The following DHX9 variants were observed in gnomAD, a reference collection of about 807,000 sequenced individuals.
The protein encoded by DHX9 is ATP-dependent RNA helicase A.
A neutral mutation model predicts 148.7 loss-of-function variants in DHX9; 27 were observed. That is an observed-to-expected ratio of 0.18 (90% CI 0.13 to 0.25). The LOEUF is 0.25. Among genes scored for constraint, DHX9 ranks in the 10% least tolerant of loss-of-function variants. The pLI, the probability that DHX9 is intolerant of heterozygous loss-of-function variation, is 1.00. For synonymous variants in DHX9, 529 were observed against 516.6 expected, an observed-to-expected ratio of 1.02 and a Z score of -0.33; for missense variants, 796 against 1,559.6, an observed-to-expected ratio of 0.51 and a Z score of 8.25.
chr1:182,839,499 C>A, intron 1 of DHX9, 43 bp downstream of exon 1: 1 of 153,522 alleles, frequency 6.5e-6, no homozygotes, highest in South Asian at 1.8e-4. Flanking sequence ...GCGGCGGGGT[C>A]GCGGGCGGGC....
chr1:182,856,457 G>T (rs1347554825), intron 6 of DHX9, 75 bp from the exon 7 acceptor site: 2 of 1,323,568 alleles, frequency 1.5e-6, no homozygotes, highest in Admixed American at 3.7e-5. Context: ...TGGAAAGCCT[G>T]CCTGACTTGG....
chr1:182,842,407 G>T (rs374987902), intron 1 of DHX9, 138 bp from the exon 2 acceptor site: 2 of 517,132 alleles, frequency 3.9e-6, no homozygotes, highest in South Asian at 5.8e-5. Context: ...CAATTATGTC[G>T]TTAAAATTTA....
intron 12 of DHX9, among the ~76,000 whole-genome samples, chr1:182,861,661 G>A (rs1668366124): frequency 6.6e-6 from 1 of 152,188 alleles, no homozygotes; most frequent in South Asian, 2.1e-4. Context: ...AAAAATTCCT[G>A]CCCAAGTGAG....
chr1:182,874,766 G>T, intron 15 of DHX9, 88 bp from the exon 16 acceptor site: 1 of 1,056,528 alleles, frequency 9.5e-7, no homozygotes, highest in South Asian at 1.3e-5. Context: ...TATTAAAGTA[G>T]TTTTGAACTA....
intron 5 of DHX9, 120 bp from the exon 6 acceptor site, chr1:182,853,910 A>G: frequency 1.1e-6 from 1 of 880,966 alleles, no homozygotes; most frequent in South Asian, 2.3e-5. Flanking sequence ...AGGATTATAA[A>G]CTATCAAAAA....
intron 8 of DHX9, 46 bp downstream of exon 8, chr1:182,858,286 A>G (rs371775650): frequency 2.1e-5 from 33 of 1,587,036 alleles, no homozygotes; most frequent in Middle Eastern, 1.7e-4. Flanking sequence ...GTGAGATTCA[A>G]TTTAGCTCTT....
At chr1:182,857,489 A>G (rs1040315923) in intron 7 of DHX9, among the ~76,000 whole-genome samples, 8 of 152,216 alleles carry the variant, frequency 5.3e-5, no homozygotes, top group Admixed American at 6.5e-5. Context: ...TAACATAGCT[A>G]CACTCACATT....
intron 7 of DHX9, among the ~76,000 whole-genome samples, chr1:182,857,751 T>C (rs1483010696): frequency 6.6e-6 from 1 of 152,200 alleles, no homozygotes; most frequent in Non-Finnish European, 1.5e-5. Flanking sequence ...CCCAATTACT[T>C]TTACTGGTTT....
At chr1:182,852,375 A>G (rs1191740342) in intron 4 of DHX9, 31 bp downstream of exon 4, 4 of 1,445,556 alleles carry the variant, frequency 2.8e-6, no homozygotes, top group Non-Finnish European at 3.8e-6. Flanking sequence ...CACGTGGTGG[A>G]GAATAAGATA....
chr1:182,863,020 A>G (rs1668391432), intron 12 of DHX9, among the ~76,000 whole-genome samples: 1 of 152,186 alleles, frequency 6.6e-6, no homozygotes, highest in African/African-American at 2.4e-5. Flanking sequence ...TTCTAAAGAG[A>G]AAATGAGATA....
chr1:182,850,487 C>T (rs1321687469), intron 3 of DHX9, among the ~76,000 whole-genome samples: 1 of 151,104 alleles, frequency 6.6e-6, no homozygotes, highest in East Asian at 1.9e-4. Context: ...CCCATCTACT[C>T]GAGAGGCTGA....
At chr1:182,855,124 T>G (rs963536472) in intron 6 of DHX9, among the ~76,000 whole-genome samples, 1 of 152,232 alleles carries the variant, frequency 6.6e-6, no homozygotes, top group Admixed American at 6.5e-5. Context: ...TCCCACTGTT[T>G]TGTTCAATCC....
intron 3 of DHX9, among the ~76,000 whole-genome samples, chr1:182,849,997 T>C (rs970096655): frequency 7.6e-5 from 11 of 145,476 alleles, no homozygotes; most frequent in Admixed American, 1.4e-4. Context: ...CCCCCCTTTT[T>C]TTTTTAATTT....
At chr1:182,866,189 T>G (rs1038180993) in intron 12 of DHX9, among the ~76,000 whole-genome samples, 1 of 152,234 alleles carries the variant, frequency 6.6e-6, no homozygotes, top group African/African-American at 2.4e-5. Flanking sequence ...CCCTGTTTCC[T>G]ACTGGAAAAT....
chr1:182,880,849 C>A (rs1649052361), intron 22 of DHX9, among the ~76,000 whole-genome samples: 1 of 152,066 alleles, frequency 6.6e-6, no homozygotes, highest in African/African-American at 2.4e-5. Context: ...TAAAAGCAAG[C>A]AGGCCAGGCA....
intron 3 of DHX9, among the ~76,000 whole-genome samples, chr1:182,848,938 C>T (rs910453495): frequency 2.0e-5 from 3 of 152,184 alleles, no homozygotes; most frequent in Admixed American, 6.5e-5. Flanking sequence ...GCTAGGATAG[C>T]AGTACCAAGG....
chr1:182,866,048 T>G (rs777919147), intron 12 of DHX9, among the ~76,000 whole-genome samples: 6 of 152,216 alleles, frequency 3.9e-5, no homozygotes, highest in Non-Finnish European at 1.5e-5. Context: ...AGAAAGGTGG[T>G]CACAGTACAT....
At chr1:182,873,433 TCA>T (rs1648629593) in intron 15 of DHX9, among the ~76,000 whole-genome samples, 1 of 152,230 alleles carries the variant, frequency 6.6e-6, no homozygotes, top group African/African-American at 2.4e-5. Context: ...CCAGTATAAT[TCA>T]CTGGGGTACA....
chr1:182,886,252 G>C (rs1264969948), intron 27 of DHX9, among the ~76,000 whole-genome samples: 1 of 151,650 alleles, frequency 6.6e-6, no homozygotes, highest in African/African-American at 2.4e-5. Flanking sequence ...CTGGAGTGCA[G>C]TGGTGCCATC....
Sources: gnomAD v4.1 joint callset for allele counts (sites outside exome capture counted in the v4.1 genomes callset) on GRCh38, gnomAD v4.1.1 for gene constraint, MANE v1.5 for transcripts, NCBI Gene and HGNC (gene_info 2026-07-23, HGNC 2026-07-21) for gene names.